KSR2: variants seen among roughly 807,000 people sequenced by gnomAD.
KSR2 encodes kinase suppressor of ras 2.
In KSR2, 25 loss-of-function variants were observed where a neutral mutation model predicts 107.8. The observed-to-expected ratio is 0.23, with a 90% CI of 0.17 to 0.32. KSR2 has a LOEUF of 0.32. Among genes scored for constraint, KSR2 ranks in the 10% least tolerant of loss-of-function variants. The pLI is 1.00. For missense variants in KSR2, 887 were observed against 1,268.9 expected, an observed-to-expected ratio of 0.70 and a Z score of 4.57; for synonymous variants, 480 against 507.0, an observed-to-expected ratio of 0.95 and a Z score of 0.71.
chr12:117,591,507 G>T (rs1038830104), intron 5 of KSR2, among the ~76,000 whole-genome samples: 1 of 152,082 alleles, frequency 6.6e-6, no homozygotes, highest in Non-Finnish European at 1.5e-5. Flanking sequence ...GAGATGCCCT[G>T]CTAGGAGTGT....
At chr12:117,873,272 G>C (rs1038554836) in intron 1 of KSR2, among the ~76,000 whole-genome samples, 2 of 151,276 alleles carry the variant, frequency 1.3e-5, no homozygotes, top group East Asian at 4.0e-4. Flanking sequence ...TTGAACCCGG[G>C]AGGCGGAGGT....
chr12:117,561,377 T>C (rs1878109189), intron 7 of KSR2, among the ~76,000 whole-genome samples: 1 of 152,236 alleles, frequency 6.6e-6, no homozygotes, highest in Non-Finnish European at 1.5e-5. Context: ...GTTTGATGTG[T>C]TAGGTAATAT....
chr12:117,828,006 C>T (rs1031411026), intron 3 of KSR2, among the ~76,000 whole-genome samples: 2 of 152,154 alleles, frequency 1.3e-5, no homozygotes, highest in Admixed American at 6.5e-5. Flanking sequence ...TTCCCTATCT[C>T]CTGGGGAGAA....
At chr12:117,673,688 A>G (rs1385363111) in intron 4 of KSR2, among the ~76,000 whole-genome samples, 1 of 152,162 alleles carries the variant, frequency 6.6e-6, no homozygotes, top group East Asian at 1.9e-4. Context: ...GGTCAGGGGG[A>G]AAAAACAGAC....
chr12:117,899,025 T>G (rs928619033), intron 1 of KSR2, among the ~76,000 whole-genome samples: 6 of 152,160 alleles, frequency 3.9e-5, no homozygotes, highest in Non-Finnish European at 7.3e-5. Flanking sequence ...CTCCATAGAA[T>G]CTTGGCGCAG....
At chr12:117,966,642 C>CACACACACAA (rs1305441093) in intron 1 of KSR2, among the ~76,000 whole-genome samples, 1 of 150,648 alleles carries the variant, frequency 6.6e-6, no homozygotes, top group Non-Finnish European at 1.5e-5. Context: ...CACACACACA[C>CACACACACAA]ACACATGCTG....
rs576883984 is a variant in KSR2 at position 117,944,405 on chromosome 12, G to A, written c.180+23671C>T. ...ATAAATAAATAAATTACCCAGTCTCGGGTATGTCTTTATCAGCAACATGAG... is the reference window on the plus strand; with the variant it reads ...ATAAATAAATAAATTACCCAGTCTCAGGTATGTCTTTATCAGCAACATGAG... On this transcript the variant is annotated intron_variant, in intron 1 of 19. Coordinates refer to ENST00000339824, the MANE Select transcript of KSR2 (RefSeq NM_173598.6). Among the ~76,000 whole-genome samples, 8 of 152,018 alleles carry A rather than the reference G, an allele frequency of 5.3e-5. No individual in the cohort carries two copies. In the East Asian group the frequency reaches 5.8e-4, roughly 11 times the overall value.
chr12:117,905,025 T>C (rs575453491), intron 1 of KSR2, among the ~76,000 whole-genome samples: 65 of 152,016 alleles, frequency 4.3e-4, no homozygotes, highest in African/African-American at 1.4e-3. Flanking sequence ...CTACCAAAAG[T>C]ACAAAAATTA....
At chr12:117,606,477 C>A (rs1403935566) in intron 5 of KSR2, among the ~76,000 whole-genome samples, 2 of 89,814 alleles carry the variant, frequency 2.2e-5, no homozygotes, top group Non-Finnish European at 2.3e-5. Flanking sequence ...TCCTCCCTCC[C>A]TCCTCTCCTT....
At chr12:117,647,243 G>A (rs547629783) in intron 5 of KSR2, among the ~76,000 whole-genome samples, 86 of 152,294 alleles carry the variant, frequency 5.6e-4, no homozygotes, top group Admixed American at 2.5e-3. Context: ...GCCCACCTCC[G>A]CCTGCCTGGT....
chr12:117,893,010 C>T (rs1894395673), intron 1 of KSR2, among the ~76,000 whole-genome samples: 1 of 150,988 alleles, frequency 6.6e-6, no homozygotes, highest in South Asian at 2.1e-4. Flanking sequence ...GGATGAGACC[C>T]TGTGTAATTT....
At chr12:117,498,630 C>CA (rs1873185271) in intron 14 of KSR2, among the ~76,000 whole-genome samples, 1 of 152,142 alleles carries the variant, frequency 6.6e-6, no homozygotes, top group Non-Finnish European at 1.5e-5. Context: ...TGTCCCCACC[C>CA]AAACCTCATC....
chr12:117,710,536 T>C (rs941980205), intron 4 of KSR2, among the ~76,000 whole-genome samples: 2 of 152,110 alleles, frequency 1.3e-5, no homozygotes, highest in Non-Finnish European at 2.9e-5. Context: ...GGCAAGTGTT[T>C]TGTGGTATCT....
chr12:117,513,410 G>A (rs1874159464), intron 14 of KSR2, among the ~76,000 whole-genome samples: 1 of 152,144 alleles, frequency 6.6e-6, no homozygotes, highest in Non-Finnish European at 1.5e-5. Flanking sequence ...GCCAGGTTGG[G>A]AATACATCAA....
chr12:117,640,311 C>A (rs2393245), intron 5 of KSR2, among the ~76,000 whole-genome samples: 3 of 151,548 alleles, frequency 2.0e-5, no homozygotes, highest in Non-Finnish European at 2.9e-5. Context: ...AGTGCAGTGG[C>A]GCGATCTCAG....
chr12:117,885,586 G>A (rs1056301125), intron 1 of KSR2, among the ~76,000 whole-genome samples: 3 of 151,260 alleles, frequency 2.0e-5, no homozygotes, highest in African/African-American at 7.3e-5. Context: ...ATACATATAT[G>A]TGCATGCTTA....
intron 3 of KSR2, among the ~76,000 whole-genome samples, chr12:117,828,977 C>T (rs905611328): frequency 8.7e-4 from 132 of 152,260 alleles, no homozygotes; most frequent in Non-Finnish European, 7.3e-5. Flanking sequence ...GGGTCCAGGT[C>T]GGCCAGCTTC....
intron 3 of KSR2, among the ~76,000 whole-genome samples, chr12:117,801,941 A>G (rs1225374060): frequency 6.6e-6 from 1 of 152,136 alleles, no homozygotes; most frequent in Non-Finnish European, 1.5e-5. Context: ...TGTCCCTAAG[A>G]AAAGGGTGAC....
intron 16 of KSR2, among the ~76,000 whole-genome samples, 172 bp from the exon 17 acceptor site, chr12:117,476,767 G>T (rs1354734577): frequency 6.6e-6 from 1 of 152,168 alleles, no homozygotes; most frequent in Admixed American, 6.5e-5. Flanking sequence ...TGCAGGGAAG[G>T]CTGCTCTAGA....
Sources: gnomAD v4.1 joint callset for allele counts (sites outside exome capture counted in the v4.1 genomes callset) on GRCh38, gnomAD v4.1.1 for gene constraint, MANE v1.5 for transcripts, NCBI Gene and HGNC (gene_info 2026-07-23, HGNC 2026-07-21) for gene names.